The following ILDR1 variants were observed in gnomAD, a reference collection of about 807,000 sequenced individuals.
The protein encoded by ILDR1 is immunoglobulin like domain containing receptor 1, also known as immunoglobulin-like domain-containing receptor 1.
Under a neutral mutation model 62.4 loss-of-function variants are expected in ILDR1, and 56 were observed. That is an observed-to-expected ratio of 0.90 (90% CI 0.72 to 1.12). The LOEUF (loss-of-function observed/expected upper bound fraction) is 1.12. ILDR1 is among the 50% of genes most tolerant of loss of function. The pLI, the probability that ILDR1 is intolerant of heterozygous loss-of-function variation, is 0.00. For missense variants in ILDR1, 736 were observed against 710.6 expected, an observed-to-expected ratio of 1.04 and a Z score of -0.41; for synonymous variants, 284 against 277.8, an observed-to-expected ratio of 1.02 and a Z score of -0.22.
chr3:122,040,723 CAAAAAAAAAAA>C, the ILDR1 span, among the ~76,000 whole-genome samples: 3 of 65,392 alleles, frequency 4.6e-5, no homozygotes, highest in Admixed American at 4.8e-4. Flanking sequence ...AATCCAGATG[CAAAAAAAAAAA>C]AAGAAAAAAA....
At chr3:122,031,127 T>A in the ILDR1 span, among the ~76,000 whole-genome samples, 1 of 152,190 alleles carries the variant, frequency 6.6e-6, no homozygotes, top group Non-Finnish European at 1.5e-5. Flanking sequence ...CAGCATAACA[T>A]GTGATATTAC....
chr3:122,055,919 A>G, the ILDR1 span, among the ~76,000 whole-genome samples: 1 of 152,180 alleles, frequency 6.6e-6, no homozygotes, highest in Non-Finnish European at 1.5e-5. Context: ...AAGAAAAAGA[A>G]AGAGAAAAAA....
chr3:122,012,044 T>C (rs1047358760), intron 1 of ILDR1, among the ~76,000 whole-genome samples: 1 of 152,154 alleles, frequency 6.6e-6, no homozygotes, highest in African/African-American at 2.4e-5. Flanking sequence ...TAAAAAGCAG[T>C]CAGATTTTCC....
chr3:122,020,716 A>G (rs1418631993), intron 1 of ILDR1, among the ~76,000 whole-genome samples: 1 of 152,224 alleles, frequency 6.6e-6, no homozygotes, highest in Non-Finnish European at 1.5e-5. Flanking sequence ...ATAAATTTGC[A>G]TTCATAGCCT....
In ILDR1 at chr3:122,022,039, G is replaced by A. The variant is rs138770884; in HGVS notation, c.39C>T (p.Leu13=). 1.2e-6 allele frequency: 2 copies of A among 1,611,634 alleles called. No homozygotes were observed. Among genetic ancestry groups the A allele is most frequent in the African/African-American group, 1.3e-5 (1 of 74,906 alleles). ...GCTCACCTGCTGGGAGCCAGGTGCA[G>A]AGCAGCAGCCAAGGTGCGGGCAGTT... The part of the protein sequence containing the change: ...WPKLPAPWLL[L]CTWLPAGCLS... Residue 13 remains leucine (L), a synonymous_variant, in exon 1 of 8, where the codon CTC becomes CTT. Transcript: ENST00000344209.
At chr3:122,009,932 G>A (rs1159489815) in intron 1 of ILDR1, among the ~76,000 whole-genome samples, 3 of 152,362 alleles carry the variant, frequency 2.0e-5, no homozygotes, top group East Asian at 3.9e-4. Flanking sequence ...CCTATCTCCA[G>A]GACTGGGCTG....
intron 3 of ILDR1, among the ~76,000 whole-genome samples, chr3:122,003,783 GA>G (rs113725472): frequency 0.01 from 1,503 of 145,538 alleles, 23 homozygotes; most frequent in African/African-American, 0.033. Flanking sequence ...CACGTTTTTA[GA>G]AAAAAAAAAA....
intron 7 of ILDR1, among the ~76,000 whole-genome samples, chr3:121,989,518 T>C (rs1038640434): frequency 6.6e-6 from 1 of 152,244 alleles, no homozygotes; most frequent in East Asian, 1.9e-4. Context: ...CGGCCAAGTT[T>C]GGAAGAAGCC....
chr3:122,020,907 C>A (rs561390074), intron 1 of ILDR1, among the ~76,000 whole-genome samples: 1 of 152,234 alleles, frequency 6.6e-6, no homozygotes, highest in African/African-American at 2.4e-5. Context: ...GTTTCCCTAC[C>A]CTTTTGCAAG....
chr3:122,048,385 C>G, the ILDR1 span, among the ~76,000 whole-genome samples: 4 of 152,078 alleles, frequency 2.6e-5, no homozygotes, highest in Admixed American at 1.3e-4. Context: ...CTGTAGTTTT[C>G]TTTTCTTGTA....
the ILDR1 span, among the ~76,000 whole-genome samples, chr3:122,055,183 A>G: frequency 1.3e-5 from 2 of 152,146 alleles, no homozygotes; most frequent in East Asian, 3.8e-4. Flanking sequence ...ATTCAGGCTC[A>G]TCTTAACGTC....
intron 3 of ILDR1, 26 bp downstream of exon 3, chr3:122,005,218 T>G: frequency 2.8e-5 from 38 of 1,345,042 alleles, no homozygotes; most frequent in Middle Eastern, 1.8e-4. Flanking sequence ...CACCCCCAGT[T>G]CCCCTGACAC....
In ILDR1 at chr3:121,990,153, G is replaced by A. The variant is rs78006094; in HGVS notation, c.1600-1745C>T. Reference sequence around the variant, plus strand: ...AAGCTCCAATGACTCCAGAGGCTAGGAAGGCAGCCTGTGTAAGAAGCAGCA... The same window carrying A: ...AAGCTCCAATGACTCCAGAGGCTAGAAAGGCAGCCTGTGTAAGAAGCAGCA... On this transcript the variant is annotated intron_variant, in intron 7 of 7. Coordinates refer to ENST00000344209, the MANE Select transcript of ILDR1 (RefSeq NM_001199799.2). Among the ~76,000 whole-genome samples, 383 of 152,282 alleles carry A rather than the reference G, an allele frequency of 2.5e-3. 4 individuals are homozygous for A. The highest frequency in any genetic ancestry group is 8.6e-3 in the African/African-American group (358 of 41,548).
the ILDR1 span, among the ~76,000 whole-genome samples, chr3:122,044,854 C>T: frequency 3.3e-5 from 5 of 151,672 alleles, no homozygotes; most frequent in South Asian, 8.4e-4. Flanking sequence ...TTTGTTGATC[C>T]TTTCAAAAAA....
upstream of ILDR1, among the ~76,000 whole-genome samples, chr3:122,022,860 C>T (rs1205400063): frequency 6.6e-6 from 1 of 151,840 alleles, no homozygotes; most frequent in Non-Finnish European, 1.5e-5. Flanking sequence ...TTGAAGTGAG[C>T]GGAGATGGCG....
At chr3:122,027,495 CT>C in the ILDR1 span, among the ~76,000 whole-genome samples, 2 of 151,526 alleles carry the variant, frequency 1.3e-5, no homozygotes, top group South Asian at 2.1e-4. Context: ...TGGCCTGAAA[CT>C]TTTTTTTTAA....
chr3:122,023,554 A>T (rs945429824), upstream of ILDR1, among the ~76,000 whole-genome samples: 9 of 151,982 alleles, frequency 5.9e-5, no homozygotes. Context: ...TGCGTTGCTG[A>T]TATCTTTCAT....
intron 3 of ILDR1, among the ~76,000 whole-genome samples, chr3:122,004,774 C>T (rs1032194968): frequency 6.6e-6 from 1 of 152,180 alleles, no homozygotes; most frequent in African/African-American, 2.4e-5. Context: ...TTAGTCCAAG[C>T]CCAGTGTTCT....
chr3:122,035,078 A>G, the ILDR1 span, among the ~76,000 whole-genome samples: 1 of 152,182 alleles, frequency 6.6e-6, no homozygotes, highest in Non-Finnish European at 1.5e-5. Flanking sequence ...GAAAGTTTTC[A>G]TCACCAGGCT....
Sources: allele counts gnomAD v4.1 joint callset (sites outside exome capture counted in the v4.1 genomes callset), GRCh38; gene constraint gnomAD v4.1.1; transcripts MANE v1.5; gene names NCBI Gene and HGNC (gene_info 2026-07-23, HGNC 2026-07-21).